The following PASK variants were observed in gnomAD, a reference collection of about 807,000 sequenced individuals.
PASK encodes PAS domain containing serine/threonine kinase.
PASK carries 110 observed loss-of-function variants against 121.0 expected under a neutral mutation model. The ratio of observed to expected loss-of-function variants is 0.91; its 90% CI spans 0.78 to 1.06. The LOEUF is 1.06. Ranked by LOEUF, PASK falls within the 50% of genes least tolerant of loss-of-function variation. PASK has a pLI of 0.00. For synonymous variants in PASK, 686 were observed against 717.8 expected (o/e 0.96, Z 0.71); for missense variants, 1,643 against 1,702.3 (o/e 0.97, Z 0.61).
rs202186280 is a variant in PASK, at chr2:241,133,079, A to G, written c.1307-49T>C. 3.2e-6 allele frequency: 5 copies of G among 1,575,870 alleles called. No individual in the cohort carries two copies. In the East Asian group the frequency reaches 8.9e-5, roughly 28 times the overall value. ...CGTTTGCTCTTCACAGGCACTCCCT[A>G]AAACGAATCTGCTCATTCGCCTGGA... On this transcript the variant is annotated intron_variant, in intron 8 of 17. Transcript: ENST00000234040.
chr2:241,106,865 G>C, intron 17 of PASK, 142 bp from the exon 18 acceptor site: 2 of 824,972 alleles, frequency 2.4e-6, no homozygotes. Context: ...CGGAAGTACA[G>C]ATCCTGCCAA....
chr2:241,123,322 C>T (rs2125421752), intron 11 of PASK, among the ~76,000 whole-genome samples: 2 of 152,004 alleles, frequency 1.3e-5, no homozygotes, highest in South Asian at 4.2e-4. Flanking sequence ...ACTACAGGCG[C>T]CCACCACTAT....
At position 241,140,602 on chromosome 2, in the gene PASK, T is replaced by C; in HGVS notation, c.348A>G (p.Ser116=). 6.8e-6 allele frequency: 11 copies of C among 1,614,024 alleles called. No individual in the cohort carries two copies. Among genetic ancestry groups the C allele is most frequent in the Middle Eastern group, 1.6e-4 (1 of 6,062 alleles). ...CCGGAAGCAGAGGTGAGGACCACCC[T>C]GAGGACAGTCCCCGCAGCAGGGAGC... The part of the protein sequence containing the change: ...SCCSLLRGLS[S]GWSSPLLPAP... Residue 116 remains serine, a synonymous_variant, in exon 3 of 18, where the codon TCA becomes TCG. Transcript: ENST00000234040.
At position 241,127,089 on chromosome 2, in the gene PASK, T is replaced by C. The variant is rs1559378223; in HGVS notation, c.1826A>G (p.His609Arg). 6.2e-7 allele frequency: 1 copy of C among 1,613,962 alleles called. No homozygotes were observed. Among genetic ancestry groups the C allele is most frequent in the Non-Finnish European group, 8.5e-7 (1 of 1,180,028 alleles). ...CCATTCACTCCCATAGCAAGGGCAG[T>C]GCATCAGGAGGCTGCCCCCCGCCAG... ...GQLAGGSLLM[H>R]CPCYGSEWGL... Residue 609 changes from histidine to arginine, a missense_variant, in exon 10 of 18, where the codon CAC becomes CGC. By Grantham distance (29) the His-to-Arg change is conservative. This residue lies in a region of PASK where 1,176 missense variants were observed against 1,162.2 expected (regional missense o/e 1.01). Transcript: ENST00000234040.
intron 10 of PASK, 92 bp from the exon 11 acceptor site, chr2:241,124,225 C>T (rs1001070025): frequency 2.0e-6 from 2 of 994,584 alleles, no homozygotes; most frequent in Non-Finnish European, 1.6e-6. Context: ...CAGAATGCAA[C>T]AGTCCAATCC....
chr2:241,136,070 C>A, intron 7 of PASK, 31 bp from the exon 8 acceptor site: 1 of 1,597,408 alleles, frequency 6.3e-7, no homozygotes, highest in Non-Finnish European at 8.6e-7. Flanking sequence ...ATTTCAGAAC[C>A]TGGAGGATCC....
intron 16 of PASK, 42 bp from the exon 17 acceptor site, chr2:241,107,541 T>G: frequency 1.2e-6 from 2 of 1,600,916 alleles, no homozygotes; most frequent in South Asian, 2.2e-5. Context: ...CAGATTGGGA[T>G]GAAGTGGAGC....
In PASK at chr2:241,126,202, G is replaced by GT; in HGVS notation, c.2712dup (p.Arg905ThrfsTer7). On this transcript the variant is annotated frameshift_variant, in exon 10 of 18. Transcript: ENST00000234040. LOFTEE classifies it high-confidence loss of function. ...TATGGGGCCCGGGACATACTCAGCC[G>GT]TAAGCCATCTCGATGGTAGCAGCTC... 1 of 1,613,930 alleles carries GT rather than the reference G, an allele frequency of 6.2e-7. No individual in the cohort carries two copies. The highest frequency in any genetic ancestry group is 1.3e-5 in the African/African-American group (1 of 75,018).
In PASK at chr2:241,137,155, G is replaced by A. The variant is rs373497968; in HGVS notation, c.986C>T (p.Ala329Val). The A allele has an allele frequency of 1.7e-5, 28 of 1,613,102 alleles. No individual in the cohort carries two copies. The highest frequency in any genetic ancestry group is 1.3e-4 in the African/African-American group (10 of 74,918). The change falls in exon 7 of 18, where the codon GCG (alanine) becomes GTG (valine). Residue 329 changes from alanine (A) to valine (V), a missense_variant. Physicochemically the swap from Ala to Val is moderately conservative, Grantham distance 64. Around this residue, in one of 3 missense-constraint regions of PASK, gnomAD observed 1,176 missense variants for 1,162.2 expected, o/e 1.01. Coordinates refer to ENST00000234040, the MANE Select transcript of PASK (RefSeq NM_015148.4). ...TGCCCGGTAGCCGCTCACAGGGGCC[G>A]CCTCACCGGTGGTCGCCTCCTCGCT... ...PSSEEATTGE[A>V]APVSGYRASV...
At chr2:241,137,327 T>G in intron 6 of PASK, 63 bp from the exon 7 acceptor site, 1 of 1,418,224 alleles carries the variant, frequency 7.1e-7, no homozygotes, top group South Asian at 1.1e-5. Flanking sequence ...ACTGAGTCTG[T>G]GCTGCGTCCG....
intron 8 of PASK, among the ~76,000 whole-genome samples, chr2:241,134,990 A>G (rs2066339572): frequency 1.3e-5 from 2 of 152,312 alleles, no homozygotes; most frequent in East Asian, 1.9e-4. Context: ...AACAAGAATG[A>G]GCACTGTGGA....
intron 14 of PASK, chr2:241,113,891 A>G: frequency 1.0e-6 from 1 of 984,882 alleles, no homozygotes; most frequent in Middle Eastern, 5.2e-4. Context: ...TCCTACATAC[A>G]TTGATGTGCG....
upstream of PASK, chr2:241,149,989 A>T: frequency 7.1e-7 from 1 of 1,412,484 alleles, no homozygotes; most frequent in African/African-American, 1.5e-5. Context: ...CGCCGGGAGA[A>T]TGTTGTTGCT....
intron 2 of PASK, among the ~76,000 whole-genome samples, chr2:241,141,615 A>C (rs2066701083): frequency 2.0e-5 from 3 of 151,994 alleles, no homozygotes. Context: ...CTAATTAGAA[A>C]TGCACTGAAG....
At position 241,106,234 on chromosome 2, in the gene PASK, G is replaced by A. The variant is rs184470930; in HGVS notation, c.*332C>T. On this transcript the variant is annotated 3_prime_UTR_variant, in exon 18 of 18. Transcript: ENST00000234040. ...ACTCAGATGAGCATATACCAAGTCA[G>A]AGGAAACAAAACATGCACATATACA... The A allele has an allele frequency of 2.2e-5, 8 of 370,800 alleles. No homozygotes were observed. The highest frequency in any genetic ancestry group is 1.3e-4 in the Admixed American group (3 of 23,352). The allele number at this position is 370,800 out of a possible 1,614,324, so 23.0% of individuals were successfully genotyped here.
rs1131293 is a variant in PASK, at chr2:241,107,370, A to G, written c.3797T>C (p.Phe1266Ser). ...NLADYTWEEV[F>S]RVNKPESGVL... ...AGCCTCACCTGGCTTGTTTACTCGA[A>G]ACACCTCTTCCCATGTATAGTCAGC... The change falls in exon 17 of 18, where the codon TTT becomes TCT. Residue 1266 changes from phenylalanine (F) to serine (S), a missense_variant. Physicochemically the swap from Phe to Ser is radical, Grantham distance 155. This residue lies in a region of PASK where 453 missense variants were observed against 511.2 expected (regional missense o/e 0.89). Coordinates refer to ENST00000234040, the MANE Select transcript of PASK (RefSeq NM_015148.4). 3.7e-6 allele frequency: 6 copies of G among 1,613,444 alleles called. No homozygotes were observed. The African/African-American group carries it at 6.7e-5, about 18-fold the overall frequency.
Position 241,124,128 on chromosome 2 carries a change from G to A in PASK, c.2725C>T (p.Gln909Ter), listed in dbSNP as rs1559371894. 6.2e-7 allele frequency: 1 copy of A among 1,613,708 alleles called. No homozygotes were observed. The highest frequency in any genetic ancestry group is 2.2e-5 in the East Asian group (1 of 44,880). Residue 909 changes from glutamine to a stop codon, truncating the protein, a stop_gained, in exon 11 of 18, where the codon CAG (glutamine) becomes TAG (stop). Transcript: ENST00000234040. LOFTEE classifies it high-confidence loss of function. Reference protein sequence around the residue: ...YHRDGLRLSIQFEVRRVELQG... With the variant: ...YHRDGLRLSI ...AGCTCCACCCGCCTCACCTCAAACT[G>A]TATACCTGAAGGGTGAGAAGGTAAG...
At chr2:241,127,885 C>A in intron 9 of PASK, 1 of 287,096 alleles carries the variant, frequency 3.5e-6, no homozygotes, top group Non-Finnish European at 6.7e-6. Flanking sequence ...AGTAAAAAAA[C>A]AACTGATTGA....
In PASK at chr2:241,124,123, A is replaced by T. The variant is rs1292595572; in HGVS notation, c.2730T>A (p.Phe910Leu). 1.3e-5 allele frequency: 21 copies of T among 1,613,814 alleles called. No homozygotes were observed. Among genetic ancestry groups the T allele is most frequent in the Admixed American group, 1.7e-5 (1 of 59,992 alleles). ...HRDGLRLSIQ[F>L]EVRRVELQGP... ...CCTGGAGCTCCACCCGCCTCACCTCAAACTGTATACCTGAAGGGTGAGAAG... is the reference window on the plus strand; with the variant it reads ...CCTGGAGCTCCACCCGCCTCACCTCTAACTGTATACCTGAAGGGTGAGAAG... Residue 910 changes from phenylalanine to leucine, a missense_variant, in exon 11 of 18, where the codon TTT becomes TTA. Physicochemically the swap from Phe to Leu is conservative, Grantham distance 22. Transcript: ENST00000234040.
Sources: allele counts gnomAD v4.1 joint callset (sites outside exome capture counted in the v4.1 genomes callset), GRCh38; gene constraint gnomAD v4.1.1; regional missense constraint gnomAD v4.1.1; transcripts MANE v1.5; gene names NCBI Gene and HGNC (gene_info 2026-07-23, HGNC 2026-07-21).